GSE1: variants seen among roughly 807,000 people sequenced by gnomAD.
GSE1 encodes the protein genetic suppressor element 1.
In GSE1, 32 loss-of-function variants were observed where a neutral mutation model predicts 112.6. That is an observed-to-expected ratio of 0.28 (90% CI 0.21 to 0.38). The LOEUF (loss-of-function observed/expected upper bound fraction) is 0.38, where lower values mean the gene tolerates loss of function less well. Among genes scored for constraint, GSE1 ranks in the 10% least tolerant of loss-of-function variants. GSE1 has a pLI of 1.00. For synonymous variants in GSE1, 1,115 were observed against 735.6 expected (o/e 1.52, Z -8.35); for missense variants, 2,348 against 1,699.2 (o/e 1.38, Z -6.71).
chr16:85,605,617 C>T (rs2047670913), intron 1 of GSE1, among the ~76,000 whole-genome samples: 2 of 151,880 alleles, frequency 1.3e-5, no homozygotes, highest in African/African-American at 4.9e-5. Flanking sequence ...GAGATTTGCC[C>T]AGTCCGGCAG....
At chr16:85,597,157 G>T (rs1221514627) in intron 1 of GSE1, among the ~76,000 whole-genome samples, 5 of 151,440 alleles carry the variant, frequency 3.3e-5, no homozygotes, top group African/African-American at 1.2e-4. Flanking sequence ...TTTTGCATTT[G>T]CAGTAGAGAA....
At chr16:85,240,187 T>G (rs1408724884) in intron 1 of GSE1, among the ~76,000 whole-genome samples, 3 of 152,246 alleles carry the variant, frequency 2.0e-5, no homozygotes, top group African/African-American at 7.2e-5. Context: ...AGGAATGTGA[T>G]GCTTGGCCGT....
intron 1 of GSE1, among the ~76,000 whole-genome samples, chr16:85,279,466 G>A (rs1195112347): frequency 1.3e-5 from 2 of 150,928 alleles, no homozygotes; most frequent in African/African-American, 4.9e-5. Context: ...AATTAGCCAG[G>A]CATGGTGATG....
intron 2 of GSE1, among the ~76,000 whole-genome samples, chr16:85,371,288 C>T (rs1242386916): frequency 1.3e-5 from 2 of 152,178 alleles, no homozygotes; most frequent in African/African-American, 2.4e-5. Context: ...GGTGAGTCCC[C>T]GGGGATGGCC....
At chr16:85,190,196 G>A (rs1210529121) in intron 1 of GSE1, among the ~76,000 whole-genome samples, 2 of 152,220 alleles carry the variant, frequency 1.3e-5, no homozygotes, top group Non-Finnish European at 2.9e-5. Context: ...ATGGACATTG[G>A]TGAAGTCCAG....
intron 2 of GSE1, among the ~76,000 whole-genome samples, chr16:85,460,066 C>T (rs1306015790): frequency 3.3e-5 from 5 of 152,220 alleles, no homozygotes; most frequent in African/African-American, 9.7e-5. Context: ...CTTCACCCAG[C>T]GCCTGGCCTC....
intron 1 of GSE1, among the ~76,000 whole-genome samples, chr16:85,624,599 C>G (rs2048948430): frequency 6.6e-6 from 1 of 152,226 alleles, no homozygotes; most frequent in African/African-American, 2.4e-5. Flanking sequence ...AGGGAAGCAG[C>G]CGGCACCATG....
intron 1 of GSE1, among the ~76,000 whole-genome samples, chr16:85,338,900 G>A (rs2046562197): frequency 6.6e-6 from 1 of 152,232 alleles, no homozygotes; most frequent in Non-Finnish European, 1.5e-5. Context: ...GCTGAGGATG[G>A]AATGAGCGCG....
intron 1 of GSE1, among the ~76,000 whole-genome samples, chr16:85,626,553 C>T (rs915937059): frequency 3.3e-5 from 5 of 152,186 alleles, no homozygotes; most frequent in African/African-American, 7.2e-5. Flanking sequence ...ATTGTGTGTG[C>T]GGGGCCTGAA....
rs530547555 is a variant in GSE1, at chr16:85,481,869, G to A, written c.2464+124226G>A. On this transcript the variant is annotated intron_variant, in intron 2 of 2. Coordinates refer to the GSE1 transcript ENST00000637419. ...TGATGTACCTAAAAGGTCACACGGC[G>A]CAGAGGTGGCAGAGCTGGGGTGCAG... Among the ~76,000 whole-genome samples the A allele has an allele frequency of 7.2e-5, 11 of 152,336 alleles. No homozygotes were observed. In the South Asian group the frequency reaches 1.0e-3, roughly 14 times the overall value.
chr16:85,272,777 CTTT>C (rs1204820536), intron 1 of GSE1, among the ~76,000 whole-genome samples: 12 of 131,386 alleles, frequency 9.1e-5, no homozygotes, highest in Non-Finnish European at 8.2e-5. Flanking sequence ...CTTCTCTTTT[CTTT>C]TTTTTTTTTT....
chr16:85,207,258 G>A (rs1395992849), intron 1 of GSE1, among the ~76,000 whole-genome samples: 1 of 152,194 alleles, frequency 6.6e-6, no homozygotes, highest in Admixed American at 6.5e-5. Context: ...AGAAGCCCTG[G>A]CCTGGCCCCT....
intron 1 of GSE1, among the ~76,000 whole-genome samples, chr16:85,215,754 T>G (rs1362486712): frequency 6.6e-6 from 1 of 152,040 alleles, no homozygotes; most frequent in African/African-American, 2.4e-5. Context: ...GCACACATTC[T>G]GGGGGGGTGT....
rs1300990904 is a variant in GSE1, at chr16:85,419,132, G to C, written c.2464+61489G>C. 1.3e-5 allele frequency among the ~76,000 whole-genome samples: 2 copies of C among 152,184 alleles called. No individual in the cohort carries two copies. The highest frequency in any genetic ancestry group is 2.9e-5 in the Non-Finnish European group (2 of 68,038). On this transcript the variant is annotated intron_variant, in intron 2 of 2. Transcript: ENST00000637419. This position sits in a 1 kb window ranked among gnomAD's most constrained non-coding sequence, Gnocchi z 6.5. ...AGCTGGGAGACTGGGGAGACACCTT[G>C]GGAGTGAGTGACGTGATGGGAGCCC...
At chr16:85,592,231 T>G (rs1403909506) in intron 1 of GSE1, 1 of 152,044 alleles carries the variant, frequency 6.6e-6, no homozygotes, top group African/African-American at 2.4e-5. Context: ...GGCATGATCT[T>G]GGCTCACCGC....
At chr16:85,216,716 C>A (rs916270238) in intron 1 of GSE1, among the ~76,000 whole-genome samples, 1 of 152,170 alleles carries the variant, frequency 6.6e-6, no homozygotes, top group Non-Finnish European at 1.5e-5. Flanking sequence ...GGCTGTGGGA[C>A]TCCCAGCACC....
chr16:85,387,956 A>T (rs1170694841), intron 2 of GSE1, among the ~76,000 whole-genome samples: 1 of 146,672 alleles, frequency 6.8e-6, no homozygotes, highest in Non-Finnish European at 1.5e-5. Context: ...GGATAAAGGG[A>T]TGGATGGGTA....
At chr16:85,591,499 C>T (rs886336356) in intron 1 of GSE1, among the ~76,000 whole-genome samples, 1 of 152,246 alleles carries the variant, frequency 6.6e-6, no homozygotes, top group Non-Finnish European at 1.5e-5. Context: ...AACAGCCAAC[C>T]TTTTGCTCCT....
chr16:85,282,032 T>TC (rs1444460158), intron 1 of GSE1, among the ~76,000 whole-genome samples: 3 of 132,530 alleles, frequency 2.3e-5, no homozygotes, highest in Non-Finnish European at 4.7e-5. Flanking sequence ...TTTTCTTTTC[T>TC]TTTTTTTTTT....
Sources: allele counts gnomAD v4.1 joint callset (sites outside exome capture counted in the v4.1 genomes callset), GRCh38; gene constraint gnomAD v4.1.1; non-coding constraint Gnocchi (gnomAD v3.1); transcripts MANE v1.5; gene names NCBI Gene and HGNC (gene_info 2026-07-23, HGNC 2026-07-21).